The following KLF7 variants were observed in gnomAD, a reference collection of about 807,000 sequenced individuals.
KLF7 encodes the protein KLF transcription factor 7.
A neutral mutation model predicts 27.3 loss-of-function variants in KLF7; 2 were observed. The ratio of observed to expected loss-of-function variants is 0.07; its 90% confidence interval spans 0.03 to 0.23. The LOEUF is 0.23. Ranked by LOEUF, KLF7 falls within the 10% of genes least tolerant of loss-of-function variation. The pLI is 1.00. For synonymous variants in KLF7, 165 were observed against 162.4 expected, an observed-to-expected ratio of 1.02 and a Z score of -0.12; for missense variants, 221 against 394.1, an observed-to-expected ratio of 0.56 and a Z score of 3.72.
At position 207,165,740 on chromosome 2, in the gene KLF7, G is replaced by A. The variant is rs1239476128; in HGVS notation, c.-172C>T. 5 of 1,449,616 alleles carry A rather than the reference G, an allele frequency of 3.4e-6. No individual in the cohort carries two copies. The highest frequency in any genetic ancestry group is 2.9e-5 in the African/African-American group (2 of 69,994). 89.8% of individuals were successfully genotyped at this position (1,449,616 alleles called of 1,614,324 possible). A position where few individuals can be genotyped will look rare whatever the true frequency, so the allele number is the denominator to read the frequency against. ...GAAAAAAAAAAATCAATGCAGGAGA[G>A]GGAGAGAGGAGGTGAGAGAGGAGCG... On this transcript the variant is annotated 5_prime_UTR_variant, in exon 1 of 4. Transcript: ENST00000309446.
chr2:207,154,965 T>C (rs139489137), intron 1 of KLF7, among the ~76,000 whole-genome samples: 2 of 152,308 alleles, frequency 1.3e-5, no homozygotes, highest in Non-Finnish European at 2.9e-5. Context: ...GAATCCATAC[T>C]GGGCCACTGA....
chr2:207,111,159 T>A (rs1343220463), intron 2 of KLF7, among the ~76,000 whole-genome samples: 1 of 152,226 alleles, frequency 6.6e-6, no homozygotes, highest in Non-Finnish European at 1.5e-5. Context: ...TCTCACATTT[T>A]GGGAGAGTGG....
intron 3 of KLF7, among the ~76,000 whole-genome samples, chr2:207,083,359 C>T (rs2076318159): frequency 6.6e-6 from 1 of 152,144 alleles, no homozygotes; most frequent in African/African-American, 2.4e-5. Flanking sequence ...CTTCTTTTAT[C>T]CCAACAACCT....
At chr2:207,103,183 C>T (rs1417642752) in intron 2 of KLF7, among the ~76,000 whole-genome samples, 1 of 152,214 alleles carries the variant, frequency 6.6e-6, no homozygotes, top group Non-Finnish European at 1.5e-5. Context: ...CTGTCTTGGC[C>T]TCCCAAACTG....
rs1559106349 is a variant in KLF7, at chr2:207,081,208, G to GC, written c.*4_*5insG. 6.2e-7 allele frequency: 1 copy of GC among 1,613,880 alleles called. No homozygotes were observed. Among genetic ancestry groups the GC allele is most frequent in the East Asian group, 2.2e-5 (1 of 44,878 alleles). On this transcript the variant is annotated 3_prime_UTR_variant, in exon 4 of 4. Coordinates refer to ENST00000309446, the MANE Select transcript of KLF7 (RefSeq NM_003709.4). ...ATGCCATGGCAACTCTGGCCTTTCG[G>GC]TTTTTTAGATATGTCTCTTCATGTG...
In KLF7 at chr2:207,087,347, T is replaced by C. The variant is rs149156263; in HGVS notation, c.857+1111A>G. Reference sequence around the variant, plus strand: ...AAGGAAGAAAAACATAACTGCTCCTTTATAAGCATCCTAAGGGAGCACTAA... The same window carrying C: ...AAGGAAGAAAAACATAACTGCTCCTCTATAAGCATCCTAAGGGAGCACTAA... On this transcript the variant is annotated intron_variant, in intron 3 of 3. Coordinates refer to ENST00000309446, the MANE Select transcript of KLF7 (RefSeq NM_003709.4). 4.6e-5 allele frequency among the ~76,000 whole-genome samples: 7 copies of C among 152,234 alleles called. No homozygotes were observed. In the East Asian group the frequency reaches 1.4e-3, roughly 29 times the overall value.
chr2:207,127,137 T>C (rs1273151809), intron 1 of KLF7, among the ~76,000 whole-genome samples: 1 of 152,182 alleles, frequency 6.6e-6, no homozygotes, highest in Non-Finnish European at 1.5e-5. Context: ...ATGAGTCATA[T>C]TTATGATCTA....
chr2:207,113,281 G>A (rs2077083766), intron 2 of KLF7, among the ~76,000 whole-genome samples: 1 of 152,038 alleles, frequency 6.6e-6, no homozygotes, highest in African/African-American at 2.4e-5. Flanking sequence ...TGTCATTTGA[G>A]TTATGTCTTC....
intron 1 of KLF7, among the ~76,000 whole-genome samples, chr2:207,139,016 T>C (rs2077865651): frequency 6.6e-6 from 1 of 152,186 alleles, no homozygotes; most frequent in South Asian, 2.1e-4. Context: ...CTAACAACTA[T>C]GTGAATGAGA....
chr2:207,080,784 T>C lies in KLF7; in HGVS notation c.*429A>G, dbSNP rs771197978. On this transcript the variant is annotated 3_prime_UTR_variant, in exon 4 of 4. Transcript: ENST00000309446. ...AACTTTAAGATGCTGGATTCTCCTATCAAGTTGCACTGAGAAGCAAGTGAA... is the reference window on the plus strand; with the variant it reads ...AACTTTAAGATGCTGGATTCTCCTACCAAGTTGCACTGAGAAGCAAGTGAA... 43 of 401,284 alleles carry C rather than the reference T, an allele frequency of 1.1e-4. No homozygotes were observed. Among genetic ancestry groups the C allele is most frequent in the South Asian group, 3.7e-4 (3 of 8,028 alleles). The allele number at this position is 401,284 out of a possible 1,614,324, so 24.9% of individuals were successfully genotyped here.
intron 2 of KLF7, among the ~76,000 whole-genome samples, chr2:207,099,570 A>ATATATATATATATATATT (rs1432023052): frequency 7.3e-6 from 1 of 136,410 alleles, no homozygotes; most frequent in Non-Finnish European, 1.6e-5. Flanking sequence ...ATATATATAT[A>ATATATATATATATATATT]TATGAAAAGA....
At chr2:207,120,072 G>A (rs764410252) in intron 2 of KLF7, among the ~76,000 whole-genome samples, 9 of 151,910 alleles carry the variant, frequency 5.9e-5, no homozygotes, top group South Asian at 2.1e-4. Context: ...TCCTCGCCTC[G>A]TTATCCTGCA....
intron 3 of KLF7, 36 bp downstream of exon 3, chr2:207,088,422 C>G (rs1275801033): frequency 1.2e-6 from 2 of 1,601,994 alleles, no homozygotes; most frequent in African/African-American, 2.7e-5. Context: ...TTCCCCATCT[C>G]TCCTCCCTAG....
intron 1 of KLF7, chr2:207,148,991 C>G: frequency 6.9e-6 from 8 of 1,153,390 alleles, no homozygotes; most frequent in Non-Finnish European, 8.7e-6. Flanking sequence ...CCTGTGTCAT[C>G]TACTGTCCTT....
chr2:207,079,872 G>C lies in KLF7; in HGVS notation c.*1341C>G, dbSNP rs1029891875. 7.9e-5 allele frequency: 12 copies of C among 152,148 alleles called. No individual in the cohort carries two copies. Among genetic ancestry groups the C allele is most frequent in the Admixed American group, 7.2e-4 (11 of 15,280 alleles). 9.4% of individuals were successfully genotyped at this position (152,148 alleles called of 1,614,324 possible). A position where few individuals can be genotyped will look rare whatever the true frequency, so the allele number is the denominator to read the frequency against. ...ACAATGGCGTTTTAAATTGTGTATT[G>C]TAACACGTAGGGGAATAGGAGCTCA... On this transcript the variant is annotated 3_prime_UTR_variant, in exon 4 of 4. Transcript: ENST00000309446.
chr2:207,172,151 A>G (rs1440647696), upstream of KLF7, among the ~76,000 whole-genome samples: 1 of 152,032 alleles, frequency 6.6e-6, no homozygotes, highest in African/African-American at 2.4e-5. Flanking sequence ...GATCATAGAA[A>G]CTGAAATTTC....
At chr2:207,090,032 C>A (rs1353949419) in intron 2 of KLF7, among the ~76,000 whole-genome samples, 4 of 152,146 alleles carry the variant, frequency 2.6e-5, no homozygotes, top group African/African-American at 4.8e-5. Context: ...AAAGCATTCA[C>A]AATTCTTTAT....
intron 1 of KLF7, among the ~76,000 whole-genome samples, chr2:207,162,363 T>G (rs578156897): frequency 2.6e-4 from 40 of 152,320 alleles, no homozygotes; most frequent in African/African-American, 9.6e-4. Context: ...TCTTAAGAAT[T>G]GCGCGTCAGC....
chr2:207,114,896 CA>C lies in KLF7; in HGVS notation c.733+8877del, dbSNP rs2077137376. Reference sequence around the variant, plus strand: ...TGAAACAGATAAAACTATGCAGACCCAACAAAGTTGGGATTAAAACATCTTT... The same window carrying C: ...TGAAACAGATAAAACTATGCAGACCCACAAAGTTGGGATTAAAACATCTTT... On this transcript the variant is annotated intron_variant, in intron 2 of 3. Transcript: ENST00000309446. 5.9e-5 allele frequency among the ~76,000 whole-genome samples: 9 copies of C among 152,082 alleles called. No individual in the cohort carries two copies. The South Asian group carries it at 1.9e-3, about 32-fold the overall frequency.
Sources: allele counts gnomAD v4.1 joint callset (sites outside exome capture counted in the v4.1 genomes callset), GRCh38; gene constraint gnomAD v4.1.1; transcripts MANE v1.5; gene names NCBI Gene and HGNC (gene_info 2026-07-23, HGNC 2026-07-21).